CYP51A1: variants seen among roughly 807,000 people sequenced by gnomAD.
CYP51A1 encodes the protein cytochrome P450 family 51 subfamily A member 1.
A neutral mutation model predicts 53.5 loss-of-function variants in CYP51A1; 45 were observed. The ratio of observed to expected loss-of-function variants is 0.84; its 90% CI spans 0.66 to 1.08. The LOEUF (loss-of-function observed/expected upper bound fraction) is 1.08, where lower values mean the gene tolerates loss of function less well. CYP51A1 is among the 50% of genes least tolerant of loss of function. CYP51A1 has a pLI of 0.00. For missense variants in CYP51A1, 462 were observed against 621.7 expected, an observed-to-expected ratio of 0.74 and a Z score of 2.73; for synonymous variants, 181 against 217.7, an observed-to-expected ratio of 0.83 and a Z score of 1.48.
intron 9 of CYP51A1, among the ~76,000 whole-genome samples, chr7:92,114,279 A>G (rs1819536230): frequency 6.6e-6 from 1 of 152,186 alleles, no homozygotes; most frequent in Admixed American, 6.5e-5. Flanking sequence ...ATAATATACT[A>G]AAAAGTCACA....
intron 7 of CYP51A1, among the ~76,000 whole-genome samples, chr7:92,119,229 T>C (rs924214862): frequency 1.3e-5 from 2 of 152,114 alleles, no homozygotes; most frequent in African/African-American, 4.8e-5. Flanking sequence ...AAGGGAAAAC[T>C]GGGGAGTAAG....
chr7:92,134,311 C>A lies in CYP51A1; in HGVS notation c.54G>T (p.Ser18=), dbSNP rs747236142. The change falls in exon 1 of 10, where the codon TCG becomes TCT. Residue 18 remains serine, a synonymous_variant. Transcript: ENST00000003100. The part of the protein sequence containing the change: ...LLLGLLQAGG[S]VLGQAMEKVT... ...CCTTCTCCATCGCCTGGCCCAGCAC[C>A]GACCCACCCGCCTGCAGCAAGCCCA... 3.7e-6 allele frequency: 6 copies of A among 1,600,844 alleles called. No homozygotes were observed. The highest frequency in any genetic ancestry group is 3.4e-6 in the Non-Finnish European group (4 of 1,171,428).
rs771325259 is a variant in CYP51A1, at chr7:92,127,530, C to G, written c.570G>C (p.Glu190Asp). 1.2e-6 allele frequency: 2 copies of G among 1,611,360 alleles called. No homozygotes were observed. The highest frequency in any genetic ancestry group is 1.7e-6 in the Non-Finnish European group (2 of 1,179,230). ...IIEKETKEYF[E>D]SWGESGEKNV... ...TTTTTTCTCCACTTTCTCCCCAACT[C>G]TCAAAGTATTCCTTTGTTTCTTTTT... The change falls in exon 4 of 10, where the codon GAG becomes GAC. Residue 190 changes from glutamate (E) to aspartate (D), a missense_variant. Coordinates refer to ENST00000003100, the MANE Select transcript of CYP51A1 (RefSeq NM_000786.4).
chr7:92,114,087 T>C (rs1584628651), intron 9 of CYP51A1, among the ~76,000 whole-genome samples: 1 of 152,176 alleles, frequency 6.6e-6, no homozygotes, highest in Non-Finnish European at 1.5e-5. Flanking sequence ...TCTGAAAATA[T>C]ATATCTGGGT....
intron 7 of CYP51A1, among the ~76,000 whole-genome samples, chr7:92,120,953 T>C (rs892512112): frequency 6.6e-6 from 1 of 152,060 alleles, no homozygotes; most frequent in Admixed American, 6.6e-5. Flanking sequence ...GAACACATCA[T>C]AAGACACTCA....
chr7:92,122,504 A>T (rs1470852051), intron 7 of CYP51A1, among the ~76,000 whole-genome samples: 4 of 152,172 alleles, frequency 2.6e-5, no homozygotes, highest in Non-Finnish European at 5.9e-5. Flanking sequence ...GCACCATGAC[A>T]AAGTAGGATT....
At chr7:92,114,241 G>A (rs1446019134) in intron 9 of CYP51A1, among the ~76,000 whole-genome samples, 1 of 152,052 alleles carries the variant, frequency 6.6e-6, no homozygotes, top group African/African-American at 2.4e-5. Flanking sequence ...TAAATGTATG[G>A]AAGAAAATGA....
intron 7 of CYP51A1, among the ~76,000 whole-genome samples, chr7:92,121,115 C>T (rs958966706): frequency 6.6e-6 from 1 of 152,040 alleles, no homozygotes; most frequent in Non-Finnish European, 1.5e-5. Context: ...TATGGTACAA[C>T]CTTGTCTCTA....
chr7:92,134,013 C>A (rs1030502091), intron 1 of CYP51A1, among the ~76,000 whole-genome samples, 160 bp downstream of exon 1: 3 of 151,800 alleles, frequency 2.0e-5, no homozygotes, highest in Non-Finnish European at 4.4e-5. Flanking sequence ...TACTCCAGCC[C>A]CCAGCGCGCC....
rs1819865693 is a variant in CYP51A1 at position 92,129,001 on chromosome 7, C to A, written c.347G>T (p.Gly116Val). The change falls in exon 3 of 10, where the codon GGG (glycine) becomes GTG (valine). Residue 116 changes from glycine (G) to valine (V), a missense_variant. Coordinates refer to ENST00000003100, the MANE Select transcript of CYP51A1 (RefSeq NM_000786.4). ...MVGKTFTYLL[G>V]SDAAALLFNS... ...AAAAAGCAGTGCAGCAGCATCACTC[C>A]CCAGAAGGTAAGTAAATGTCTTGCC... 1.2e-6 allele frequency: 2 copies of A among 1,613,700 alleles called. No homozygotes were observed. Among genetic ancestry groups the A allele is most frequent in the Non-Finnish European group, 1.7e-6 (2 of 1,179,880 alleles).
chr7:92,114,788 C>T (rs1457001937), intron 9 of CYP51A1, among the ~76,000 whole-genome samples: 1 of 152,130 alleles, frequency 6.6e-6, no homozygotes, highest in Non-Finnish European at 1.5e-5. Flanking sequence ...AAGATTGATA[C>T]ATTGGACTAA....
intron 4 of CYP51A1, among the ~76,000 whole-genome samples, chr7:92,126,843 G>C (rs1819811156): frequency 6.6e-6 from 1 of 152,158 alleles, no homozygotes; most frequent in Non-Finnish European, 1.5e-5. Context: ...GGCCAAAATG[G>C]AATTACTGGC....
intron 2 of CYP51A1, 33 bp from the exon 3 acceptor site, chr7:92,129,089 C>A (rs1563181558): frequency 3.5e-6 from 5 of 1,439,850 alleles, no homozygotes; most frequent in Admixed American, 2.2e-5. Context: ...AGTGATGTTA[C>A]AAAAAATATG....
intron 9 of CYP51A1, 132 bp from the exon 10 acceptor site, chr7:92,113,975 C>T: frequency 3.4e-6 from 2 of 583,520 alleles, no homozygotes; most frequent in Non-Finnish European, 2.9e-6. Flanking sequence ...ACATTCTTTT[C>T]ACATAAAACA....
At chr7:92,132,905 C>G (rs1208450959) in intron 1 of CYP51A1, among the ~76,000 whole-genome samples, 2 of 152,186 alleles carry the variant, frequency 1.3e-5, no homozygotes, top group African/African-American at 2.4e-5. Context: ...TAATACTCCT[C>G]AATTCTCTGG....
rs149725215 is a variant in CYP51A1, at chr7:92,126,585, A to G, written c.596-158T>C. Among the ~76,000 whole-genome samples, 9 of 152,332 alleles carry G rather than the reference A, an allele frequency of 5.9e-5. No homozygotes were observed. In the East Asian group the frequency reaches 1.7e-3, roughly 29 times the overall value. ...ACTATGTACAACAACAAAGAGGGGC[A>G]ATAAACCAAACAATGTGAAGCACCC... On this transcript the variant is annotated intron_variant, in intron 4 of 9. Transcript: ENST00000003100.
In CYP51A1 at chr7:92,116,133, G is replaced by A. The variant is rs902540321; in HGVS notation, c.1351+911C>T. Among the ~76,000 whole-genome samples, 10 of 152,162 alleles carry A rather than the reference G, an allele frequency of 6.6e-5. No individual in the cohort carries two copies. The South Asian group carries it at 1.0e-3, about 16-fold the overall frequency. ...CTAAAAGCTCAAAAATTAGCTGAGC[G>A]TGGTGGTACACACCTGTAATCCCAG... On this transcript the variant is annotated intron_variant, in intron 9 of 9. Coordinates refer to ENST00000003100, the MANE Select transcript of CYP51A1 (RefSeq NM_000786.4).
Position 92,127,647 on chromosome 7 carries a change from A to C in CYP51A1, c.469-16T>G. 3 of 1,613,256 alleles carry C rather than the reference A, an allele frequency of 1.9e-6. No individual in the cohort carries two copies. The highest frequency in any genetic ancestry group is 2.5e-6 in the Non-Finnish European group (3 of 1,179,514). On this transcript the variant is annotated splice_polypyrimidine_tract_variant and intron_variant, in intron 3 of 9. Transcript: ENST00000003100. ...CCAAGAAAACCTTCAAAAAAATTCA[A>C]AACGGGGATACGGCATTAAAACACA...
intron 1 of CYP51A1, among the ~76,000 whole-genome samples, chr7:92,132,854 C>T (rs1819952056): frequency 6.6e-6 from 1 of 152,102 alleles, no homozygotes; most frequent in Non-Finnish European, 1.5e-5. Flanking sequence ...CAGATTACAA[C>T]ATTAAGTATC....
Sources: allele counts gnomAD v4.1 joint callset (sites outside exome capture counted in the v4.1 genomes callset), GRCh38; gene constraint gnomAD v4.1.1; transcripts MANE v1.5; gene names NCBI Gene and HGNC (gene_info 2026-07-23, HGNC 2026-07-21).